PPIP5K1: variants seen among roughly 807,000 people sequenced by gnomAD.
PPIP5K1 encodes inositol hexakisphosphate and diphosphoinositol-pentakisphosphate kinase 1.
A neutral mutation model predicts 27.7 loss-of-function variants in PPIP5K1; 6 were observed. The ratio of observed to expected loss-of-function variants is 0.22; its 90% CI spans 0.12 to 0.43. PPIP5K1 has a LOEUF of 0.43. Among genes scored for constraint, PPIP5K1 ranks in the 20% least tolerant of loss-of-function variants. PPIP5K1 has a pLI of 1.00. For synonymous variants in PPIP5K1, 145 were observed against 242.6 expected (o/e 0.60, Z 3.74); for missense variants, 394 against 635.4 (o/e 0.62, Z 4.08).
At chr15:43,537,344 C>CAAAAAAAAA (rs375557879) in intron 31 of PPIP5K1, 7 of 83,512 alleles carry the variant, frequency 8.4e-5, no homozygotes, top group African/African-American at 2.2e-4. Flanking sequence ...GACTCCACCT[C>CAAAAAAAAA]AAAAAAAAAA....
intron 30 of PPIP5K1, among the ~76,000 whole-genome samples, chr15:43,551,703 T>C (rs2920788): frequency 0.39 from 50,091 of 127,608 alleles, 12,929 homozygotes; most frequent in African/African-American, 0.79. Flanking sequence ...CCCGGGTTCA[T>C]GCCATTCTCC....
At chr15:43,550,924 A>T (rs890266112) in intron 30 of PPIP5K1, among the ~76,000 whole-genome samples, 1 of 152,156 alleles carries the variant, frequency 6.6e-6, no homozygotes, top group African/African-American at 2.4e-5. Context: ...CTTGTATTGA[A>T]TCACTCTTGC....
At chr15:43,552,366 A>G (rs955777853) in intron 30 of PPIP5K1, among the ~76,000 whole-genome samples, 9 of 151,926 alleles carry the variant, frequency 5.9e-5, no homozygotes, top group Non-Finnish European at 1.2e-4. Flanking sequence ...TCAAAGTATA[A>G]TCTAATTTCC....
chr15:43,534,716 C>T lies in PPIP5K1; in HGVS notation c.4431G>A (p.Glu1477=), dbSNP rs757898269. 33 of 1,528,232 alleles carry T rather than the reference C, an allele frequency of 2.2e-5. No homozygotes were observed. Among genetic ancestry groups the T allele is most frequent in the Middle Eastern group, 1.8e-4 (1 of 5,628 alleles). The allele number at this position is 1,528,232 out of a possible 1,614,324, so 94.7% of individuals were successfully genotyped here. ...IDKPSQEFPE[E]IDLQAQEVPE... Reference sequence around the variant, plus strand: ...GGACCTCCTGGGCCTGCAGATCAATCTCCTCAGGGAACTCTTGGGATGGTT... The same window carrying T: ...GGACCTCCTGGGCCTGCAGATCAATTTCCTCAGGGAACTCTTGGGATGGTT... The change falls in exon 32 of 32, where the codon GAG becomes GAA. Residue 1477 remains glutamate, a synonymous_variant. Transcript: ENST00000420765.
intron 31 of PPIP5K1, among the ~76,000 whole-genome samples, chr15:43,537,904 C>T (rs1345217504): frequency 6.6e-6 from 1 of 150,600 alleles, no homozygotes; most frequent in Non-Finnish European, 1.5e-5. Flanking sequence ...TGAGCTTTAC[C>T]CAAGTAAAGA....
At chr15:43,542,310 G>C (rs981505353) in intron 30 of PPIP5K1, among the ~76,000 whole-genome samples, 13 of 151,566 alleles carry the variant, frequency 8.6e-5, no homozygotes, top group African/African-American at 2.9e-4. Flanking sequence ...GCGGGGGGGG[G>C]GGGCAGAGTC....
chr15:43,547,172 G>A (rs2081474511), intron 30 of PPIP5K1, among the ~76,000 whole-genome samples: 2 of 152,124 alleles, frequency 1.3e-5, no homozygotes, highest in Admixed American at 1.3e-4. Flanking sequence ...ATCTTTTCAT[G>A]TGCTTCTTAG....
intron 30 of PPIP5K1, among the ~76,000 whole-genome samples, chr15:43,552,942 C>T: frequency 6.6e-6 from 1 of 151,910 alleles, no homozygotes; most frequent in Admixed American, 6.6e-5. Context: ...ACTCAGGAGG[C>T]TGAGGTGGGG....
intron 30 of PPIP5K1, among the ~76,000 whole-genome samples, chr15:43,554,709 T>C (rs1224985852): frequency 1.3e-5 from 2 of 150,028 alleles, no homozygotes; most frequent in Non-Finnish European, 3.0e-5. Context: ...CAAAACAACA[T>C]GAGAGAATAT....
chr15:43,551,679 T>G (rs959868830), intron 30 of PPIP5K1, among the ~76,000 whole-genome samples: 1 of 117,872 alleles, frequency 8.5e-6, no homozygotes, highest in Non-Finnish European at 1.6e-5. Context: ...CTCGGCTCAC[T>G]GCAAGCTCCG....
At position 43,558,805 on chromosome 15, in the gene PPIP5K1, C is replaced by T. The variant is rs753584047; in HGVS notation, c.3546G>A (p.Gln1182=). ...TAAGAATATCCCTACCTGCAGATGC[C>T]TGTGCCTGGGCATCAGTGTGGCGCT... ...VCQRHTDAQA[Q]ASAALFDSMH... The change falls in exon 30 of 32, where the codon CAG becomes CAA. Residue 1182 remains glutamine, a synonymous_variant. Transcript: ENST00000420765. The T allele has an allele frequency of 6.2e-7, 1 of 1,614,034 alleles. No homozygotes were observed. Among genetic ancestry groups the T allele is most frequent in the Non-Finnish European group, 8.5e-7 (1 of 1,180,024 alleles).
At chr15:43,552,584 G>A (rs1384698227) in intron 30 of PPIP5K1, among the ~76,000 whole-genome samples, 1 of 150,696 alleles carries the variant, frequency 6.6e-6, no homozygotes, top group Non-Finnish European at 1.5e-5. Flanking sequence ...GCTGGGTGTG[G>A]TGGTGTGTGC....
chr15:43,543,837 T>A (rs558107574), intron 30 of PPIP5K1, among the ~76,000 whole-genome samples: 41 of 151,350 alleles, frequency 2.7e-4, no homozygotes, highest in African/African-American at 9.4e-4. Context: ...ACTATATACA[T>A]AGTATCAATA....
At position 43,535,129 on chromosome 15, in the gene PPIP5K1, G is replaced by A; in HGVS notation, c.4018C>T (p.Pro1340Ser). 2 of 1,613,738 alleles carry A rather than the reference G, an allele frequency of 1.2e-6. No individual in the cohort carries two copies. The highest frequency in any genetic ancestry group is 1.7e-6 in the Non-Finnish European group (2 of 1,179,884). ...TCCTGGCATTGCTGGCTGATGTCAGGGACCTTCTGACATGGCTGGCTGAGC... is the reference window on the plus strand; with the variant it reads ...TCCTGGCATTGCTGGCTGATGTCAGAGACCTTCTGACATGGCTGGCTGAGC... ...EALSQPCQKVPDISQQCQENH... is the reference protein window; with the variant it reads ...EALSQPCQKVSDISQQCQENH... Residue 1340 changes from proline (P) to serine (S), a missense_variant, in exon 32 of 32, where the codon CCT becomes TCT. Pro to Ser is a moderately conservative substitution (Grantham distance 74, BLOSUM62 -1). Coordinates refer to ENST00000420765, the MANE Select transcript of PPIP5K1 (RefSeq NM_001394395.1).
chr15:43,546,514 C>T (rs191413643), intron 30 of PPIP5K1, among the ~76,000 whole-genome samples: 17 of 152,162 alleles, frequency 1.1e-4, no homozygotes, highest in African/African-American at 2.2e-4. Flanking sequence ...TGGTCTTGAA[C>T]GCCTGGTCTT....
chr15:43,541,572 C>T (rs1376694961), intron 30 of PPIP5K1, among the ~76,000 whole-genome samples: 1 of 151,960 alleles, frequency 6.6e-6, no homozygotes, highest in Admixed American at 6.6e-5. Flanking sequence ...CAAAAACTAG[C>T]CAGGCGTGGT....
chr15:43,553,136 T>C (rs2140942612), intron 30 of PPIP5K1, among the ~76,000 whole-genome samples: 1 of 152,360 alleles, frequency 6.6e-6, no homozygotes, highest in Admixed American at 6.5e-5. Context: ...TCCATTGTGG[T>C]TGGAGAAGGT....
intron 10 of PPIP5K1, among the ~76,000 whole-genome samples, chr15:43,579,899 G>A (rs1276090695): frequency 2.1e-4 from 1 of 4,858 alleles, no homozygotes; most frequent in Non-Finnish European, 3.1e-4. Context: ...GGAGTACAGC[G>A]GCATGATCTC....
At position 43,535,285 on chromosome 15, in the gene PPIP5K1, G is replaced by GCTCC; in HGVS notation, c.3858_3861dup (p.Gln1288GlyfsTer6). ...GACTGATTTGGTTCAAAAAGCTCTT[G>GCTCC]CTCCCCTTCTATGGAGAGCTCTTGT... On this transcript the variant is annotated frameshift_variant, in exon 32 of 32. Coordinates refer to ENST00000420765, the MANE Select transcript of PPIP5K1 (RefSeq NM_001394395.1). LOFTEE classifies it low-confidence loss of function (END_TRUNC). 1 of 1,614,154 alleles carries GCTCC rather than the reference G, an allele frequency of 6.2e-7. No homozygotes were observed. The highest frequency in any genetic ancestry group is 8.5e-7 in the Non-Finnish European group (1 of 1,180,030).
Sources: gnomAD v4.1 joint callset for allele counts (sites outside exome capture counted in the v4.1 genomes callset) on GRCh38, gnomAD v4.1.1 for gene constraint, MANE v1.5 for transcripts, NCBI Gene and HGNC (gene_info 2026-07-23, HGNC 2026-07-21) for gene names.